Variants in ZFYVE26 observed in about 807,000 individuals in gnomAD.
The protein encoded by ZFYVE26 is zinc finger FYVE-type containing 26, also known as zinc finger FYVE domain-containing protein 26.
Under a neutral mutation model 276.5 loss-of-function variants are expected in ZFYVE26, and 181 were observed. The observed-to-expected ratio is 0.65, with a 90% confidence interval of 0.58 to 0.74. The LOEUF (loss-of-function observed/expected upper bound fraction) is 0.74, where lower values mean the gene tolerates loss of function less well. ZFYVE26 is among the 30% of genes least tolerant of loss of function. The pLI, the probability that ZFYVE26 is intolerant of heterozygous loss-of-function variation, is 0.00. For synonymous variants in ZFYVE26, 1,129 were observed against 1,203.1 expected (o/e 0.94, Z 1.27); for missense variants, 2,821 against 3,097.9 (o/e 0.91, Z 2.12).
intron 28 of ZFYVE26, chr14:67,770,011 A>G (rs1460318462): frequency 6.3e-6 from 3 of 478,736 alleles, no homozygotes; most frequent in African/African-American, 2.0e-5. Flanking sequence ...AAAACAAGAA[A>G]AAGTAGTGGA....
At chr14:67,775,796 C>T in intron 26 of ZFYVE26, 64 bp downstream of exon 26, 1 of 1,612,170 alleles carries the variant, frequency 6.2e-7, no homozygotes, top group Non-Finnish European at 8.5e-7. Context: ...CAAATTAAAA[C>T]TAAGAATGCA....
chr14:67,811,662 C>G (rs2040304660), intron 3 of ZFYVE26, among the ~76,000 whole-genome samples: 1 of 151,186 alleles, frequency 6.6e-6, no homozygotes, highest in Non-Finnish European at 1.5e-5. Context: ...TATGTATGTC[C>G]AGTTAGTCTT....
chr14:67,758,483 TG>T (rs1463563847), intron 35 of ZFYVE26, among the ~76,000 whole-genome samples: 1 of 152,094 alleles, frequency 6.6e-6, no homozygotes, highest in Non-Finnish European at 1.5e-5. Context: ...TTGGTCCAGA[TG>T]GAAAGACTCA....
intron 12 of ZFYVE26, 160 bp downstream of exon 12, chr14:67,797,512 T>C: frequency 1.3e-6 from 1 of 776,380 alleles, no homozygotes; most frequent in East Asian, 2.7e-5. Context: ...TCTGAAAGGA[T>C]ACATAGGAAA....
rs200269857 is a variant in ZFYVE26, at chr14:67,757,684, C to T, written c.6589-1539G>A. On this transcript the variant is annotated intron_variant, in intron 35 of 41. Coordinates refer to ENST00000347230, the MANE Select transcript of ZFYVE26 (RefSeq NM_015346.4). ...TTTCTTTCTTTCTTTCTTTCTTTCT[C>T]TCTCTCTTTCCTTTCTTTCTCTCTC... Among the ~76,000 whole-genome samples, 12 of 100,718 alleles carry T rather than the reference C, an allele frequency of 1.2e-4. No individual in the cohort carries two copies. The East Asian group carries it at 2.2e-3, about 18-fold the overall frequency. The allele number at this position is 100,718 out of a possible 152,430, so 66.1% of individuals were successfully genotyped here.
intron 18 of ZFYVE26, among the ~76,000 whole-genome samples, chr14:67,785,502 C>G (rs955735510): frequency 6.6e-6 from 1 of 152,164 alleles, no homozygotes; most frequent in African/African-American, 2.4e-5. Flanking sequence ...TAAAATTACT[C>G]TGGTGTGTAT....
intron 39 of ZFYVE26, 57 bp downstream of exon 39, chr14:67,753,650 G>A (rs1302768109): frequency 1.7e-5 from 27 of 1,548,888 alleles, no homozygotes; most frequent in African/African-American, 8.1e-5. Flanking sequence ...AATCTCTCCC[G>A]GAACTGTGGT....
chr14:67,759,235 ACT>A (rs1400556279), intron 35 of ZFYVE26, among the ~76,000 whole-genome samples: 21 of 111,268 alleles, frequency 1.9e-4, no homozygotes, highest in Non-Finnish European at 3.2e-4. Flanking sequence ...ACAGAGCCAG[ACT>A]CTGTCTGAAA....
At chr14:67,810,202 C>T (rs2040271787) in intron 3 of ZFYVE26, among the ~76,000 whole-genome samples, 1 of 152,186 alleles carries the variant, frequency 6.6e-6, no homozygotes, top group Non-Finnish European at 1.5e-5. Context: ...ATTTCATTAA[C>T]CTTTTTTGTC....
chr14:67,750,786 T>C (rs1594880423), intron 41 of ZFYVE26: 4 of 542,032 alleles, frequency 7.4e-6, no homozygotes, highest in African/African-American at 3.8e-5. Context: ...CAGTATAAAA[T>C]GGAGATTCAA....
At chr14:67,745,745 G>A (rs568893020), downstream of ZFYVE26, among the ~76,000 whole-genome samples, 158 of 151,748 alleles carry the variant, frequency 1.0e-3, no homozygotes, top group South Asian at 2.1e-3. Flanking sequence ...AGAGGGCTGG[G>A]GCACAGGGCC....
chr14:67,762,138 C>G, intron 34 of ZFYVE26, 65 bp downstream of exon 34: 1 of 1,558,642 alleles, frequency 6.4e-7, no homozygotes. Flanking sequence ...TGATTCTTTT[C>G]CCAGGTCATT....
chr14:67,783,334 G>A lies in ZFYVE26; in HGVS notation c.3818C>T (p.Pro1273Leu), dbSNP rs755456204. 2.5e-5 allele frequency: 41 copies of A among 1,613,032 alleles called. No homozygotes were observed. In the Middle Eastern group the frequency reaches 4.0e-3, roughly 156 times the overall value. The change falls in exon 21 of 42, where the codon CCG (proline) becomes CTG (leucine). Residue 1273 changes from proline to leucine, a missense_variant. By Grantham distance (98) the Pro-to-Leu change is moderately conservative. Transcript: ENST00000347230. ...GTTCTCAGTTGTCCTCGGGGAGCTC[G>A]GTGTAGAAAGTGGGAGGTCATCCAG... ...HCLDDLPLSTPSSPRTTENPT... is the reference protein window; with the variant it reads ...HCLDDLPLSTLSSPRTTENPT...
chr14:67,732,058 C>T (rs980338356), intron 13 of ZFYVE26, among the ~76,000 whole-genome samples: 9 of 143,916 alleles, frequency 6.3e-5, no homozygotes, highest in African/African-American at 1.8e-4. Flanking sequence ...ACCTGGGAGG[C>T]GGAGGCTGCA....
intron 12 of ZFYVE26, among the ~76,000 whole-genome samples, chr14:67,795,164 C>T (rs2140239541): frequency 6.6e-6 from 1 of 152,312 alleles, no homozygotes; most frequent in South Asian, 2.1e-4. Flanking sequence ...TTTGGAAGCC[C>T]TTTAGAAGGA....
chr14:67,770,694 TATC>T (rs1360844952), intron 28 of ZFYVE26, among the ~76,000 whole-genome samples: 1 of 152,192 alleles, frequency 6.6e-6, no homozygotes, highest in African/African-American at 2.4e-5. Context: ...AAGCACTTAG[TATC>T]ATGCCTGGAA....
chr14:67,800,438 T>G (rs1354469741), intron 10 of ZFYVE26, among the ~76,000 whole-genome samples: 1 of 152,136 alleles, frequency 6.6e-6, no homozygotes, highest in East Asian at 1.9e-4. Flanking sequence ...AAGAGTGAAA[T>G]CCAAACTTTT....
chr14:67,732,871 G>A (rs1454081019), intron 13 of ZFYVE26, among the ~76,000 whole-genome samples: 5 of 152,094 alleles, frequency 3.3e-5, no homozygotes, highest in East Asian at 1.9e-4. Flanking sequence ...GTGAGCCACC[G>A]TGCCCAGCCG....
In ZFYVE26 at chr14:67,778,235, C is replaced by A. The variant is rs1182507857; in HGVS notation, c.4688G>T (p.Cys1563Phe). Reference sequence around the variant, plus strand: ...GGGGTACAGGCAGCCCCACTCTTCACACAGTTCATACTCCTGGAAGGAAAC... The same window carrying A: ...GGGGTACAGGCAGCCCCACTCTTCAAACAGTTCATACTCCTGGAAGGAAAC... Reference protein sequence around the residue: ...MILEAQEYELCEEWGCLYPIP... With the variant: ...MILEAQEYELFEEWGCLYPIP... Residue 1563 changes from cysteine (C) to phenylalanine (F), a missense_variant, in exon 24 of 42, where the codon TGT (cysteine) becomes TTT (phenylalanine). Physicochemically the swap from Cys to Phe is radical, Grantham distance 205 (BLOSUM62 -2). Coordinates refer to ENST00000347230, the MANE Select transcript of ZFYVE26 (RefSeq NM_015346.4). 6.2e-7 allele frequency: 1 copy of A among 1,614,040 alleles called. No homozygotes were observed. The highest frequency in any genetic ancestry group is 1.3e-5 in the African/African-American group (1 of 74,920).
Sources: allele counts gnomAD v4.1 joint callset (sites outside exome capture counted in the v4.1 genomes callset), GRCh38; gene constraint gnomAD v4.1.1; transcripts MANE v1.5; gene names NCBI Gene and HGNC (gene_info 2026-07-23, HGNC 2026-07-21).